NELL1: variants seen among roughly 807,000 people sequenced by gnomAD.
The protein encoded by NELL1 is neural EGFL like 1, also known as protein kinase C-binding protein NELL1.
NELL1 carries 76 observed loss-of-function variants against 107.4 expected under a neutral mutation model. The ratio of observed to expected loss-of-function variants is 0.71; its 90% CI spans 0.59 to 0.86. NELL1 has a LOEUF of 0.86. NELL1 is among the 40% of genes least tolerant of loss of function. The pLI, the probability that NELL1 is intolerant of heterozygous loss-of-function variation, is 0.00. For missense variants in NELL1, 1,024 were observed against 1,005.5 expected (o/e 1.02, Z -0.25); for synonymous variants, 353 against 341.2 (o/e 1.03, Z -0.38).
At chr11:20,805,760 C>G (rs1400825704) in intron 3 of NELL1, among the ~76,000 whole-genome samples, 3 of 152,298 alleles carry the variant, frequency 2.0e-5, no homozygotes, top group East Asian at 3.9e-4. Context: ...CCTTGGCCTC[C>G]CAAAGTGCTG....
At chr11:21,349,056 G>A (rs893742897) in intron 14 of NELL1, among the ~76,000 whole-genome samples, 4 of 152,122 alleles carry the variant, frequency 2.6e-5, no homozygotes, top group Non-Finnish European at 5.9e-5. Flanking sequence ...ATGAGATGTA[G>A]AGGAAAGCAC....
chr11:20,786,785 T>TGG (rs1564908945), intron 3 of NELL1, among the ~76,000 whole-genome samples: 3 of 151,710 alleles, frequency 2.0e-5, no homozygotes, highest in Admixed American at 6.6e-5. Flanking sequence ...AAGGTGGGCA[T>TGG]ATCACAAGGT....
At chr11:21,402,122 G>A (rs750659383) in intron 15 of NELL1, among the ~76,000 whole-genome samples, 3 of 151,754 alleles carry the variant, frequency 2.0e-5, no homozygotes, top group African/African-American at 4.8e-5. Flanking sequence ...CTTCTAGTCC[G>A]TCCTTGCAGT....
At chr11:21,218,890 G>C (rs12800249) in intron 13 of NELL1, among the ~76,000 whole-genome samples, 1 of 152,036 alleles carries the variant, frequency 6.6e-6, no homozygotes, top group South Asian at 2.1e-4. Context: ...TTCTTGTATT[G>C]ATGGACACTT....
chr11:20,940,414 ACACC>A (rs916854353), intron 10 of NELL1, among the ~76,000 whole-genome samples: 1 of 152,022 alleles, frequency 6.6e-6, no homozygotes, highest in African/African-American at 2.4e-5. Context: ...CTGCGCCACC[ACACC>A]CAGCTAATTT....
intron 4 of NELL1, among the ~76,000 whole-genome samples, chr11:20,881,611 G>A (rs1231614571): frequency 6.6e-6 from 1 of 152,202 alleles, no homozygotes; most frequent in African/African-American, 2.4e-5. Flanking sequence ...AGTGCTGGCT[G>A]TTATGTCTGC....
At chr11:21,477,410 A>G (rs868044438) in intron 15 of NELL1, among the ~76,000 whole-genome samples, 49 of 152,100 alleles carry the variant, frequency 3.2e-4, no homozygotes, top group African/African-American at 1.2e-3. Flanking sequence ...TAATTCAGGA[A>G]ATTTTTTCAG....
At chr11:20,706,625 C>G (rs1590221288) in intron 2 of NELL1, among the ~76,000 whole-genome samples, 3 of 151,666 alleles carry the variant, frequency 2.0e-5, no homozygotes, top group Admixed American at 6.6e-5. Flanking sequence ...ACATATGTAA[C>G]AAACCTGCAC....
At chr11:20,815,653 T>G (rs1857608727) in intron 3 of NELL1, among the ~76,000 whole-genome samples, 1 of 152,216 alleles carries the variant, frequency 6.6e-6, no homozygotes, top group Non-Finnish European at 1.5e-5. Flanking sequence ...TGCTCTTTAG[T>G]TTAGTTAGGT....
intron 3 of NELL1, among the ~76,000 whole-genome samples, chr11:20,809,947 C>G (rs748596318): frequency 1.3e-5 from 2 of 152,188 alleles, no homozygotes; most frequent in African/African-American, 4.8e-5. Context: ...ATACTGTTTT[C>G]CATGATGGCT....
At chr11:20,754,411 A>G (rs1053026804) in intron 2 of NELL1, among the ~76,000 whole-genome samples, 4 of 152,180 alleles carry the variant, frequency 2.6e-5, no homozygotes, top group African/African-American at 4.8e-5. Context: ...GGGCCATGCT[A>G]TGTGGTTTGT....
At chr11:21,082,722 C>CA (rs948985192) in intron 12 of NELL1, among the ~76,000 whole-genome samples, 10 of 152,002 alleles carry the variant, frequency 6.6e-5, no homozygotes, top group African/African-American at 1.9e-4. Flanking sequence ...CCCCTCCCCC[C>CA]AAAAAAACAG....
chr11:20,715,086 A>AC (rs1310837098), intron 2 of NELL1, among the ~76,000 whole-genome samples: 92 of 149,926 alleles, frequency 6.1e-4, no homozygotes, highest in Non-Finnish European at 9.3e-4. Flanking sequence ...TACTAAAAAT[A>AC]AAAAAAAAAT....
In NELL1 at chr11:21,441,330, C is replaced by CTTGTGT. The variant is rs1309300543; in HGVS notation, c.1645+70382_1645+70383insTTGTGT. On this transcript the variant is annotated intron_variant, in intron 15 of 19. Transcript: ENST00000357134. ...TATATTCTTTACTCTGAGGCTGTGACGTGTGTGTGTGTGTGTGTGTGTGTG... is the reference window on the plus strand; with the variant it reads ...TATATTCTTTACTCTGAGGCTGTGACTTGTGTGTGTGTGTGTGTGTGTGTGTGTGTG... 1.5e-3 allele frequency among the ~76,000 whole-genome samples: 217 copies of CTTGTGT among 140,238 alleles called. 2 individuals carry two copies. The highest frequency in any genetic ancestry group is 7.9e-3 in the South Asian group (33 of 4,180). The allele number at this position is 140,238 out of a possible 152,430, so 92.0% of individuals were successfully genotyped here. A position where few individuals can be genotyped will look rare whatever the true frequency, so the allele number is the denominator to read the frequency against.
At chr11:21,536,891 G>A (rs1010008420) in intron 16 of NELL1, among the ~76,000 whole-genome samples, 1 of 152,134 alleles carries the variant, frequency 6.6e-6, no homozygotes, top group African/African-American at 2.4e-5. Flanking sequence ...CTGTCCTGGT[G>A]CTCATTTCTC....
intron 11 of NELL1, among the ~76,000 whole-genome samples, chr11:20,948,820 T>C (rs996308929): frequency 6.7e-5 from 10 of 149,792 alleles, no homozygotes; most frequent in African/African-American, 2.2e-4. Context: ...TTTAAAACTA[T>C]ATCTACCATA....
At chr11:20,762,746 A>T (rs1257870828) in intron 2 of NELL1, among the ~76,000 whole-genome samples, 1 of 152,100 alleles carries the variant, frequency 6.6e-6, no homozygotes, top group African/African-American at 2.4e-5. Flanking sequence ...TCACATTATT[A>T]TTCTGTGGTT....
intron 14 of NELL1, among the ~76,000 whole-genome samples, chr11:21,317,165 A>G (rs1849896717): frequency 6.6e-6 from 1 of 152,058 alleles, no homozygotes; most frequent in South Asian, 2.1e-4. Context: ...TTATGCTCTT[A>G]GCCACTACAT....
At chr11:20,900,932 T>C (rs192885849) in intron 5 of NELL1, among the ~76,000 whole-genome samples, 21 of 152,186 alleles carry the variant, frequency 1.4e-4, no homozygotes, top group African/African-American at 5.1e-4. Context: ...TACTGACTCA[T>C]TAAAAATTCT....
Sources: allele counts gnomAD v4.1 joint callset (sites outside exome capture counted in the v4.1 genomes callset), GRCh38; gene constraint gnomAD v4.1.1; transcripts MANE v1.5; gene names NCBI Gene and HGNC (gene_info 2026-07-23, HGNC 2026-07-21).